Variants in LRRTM4 observed in about 807,000 individuals in gnomAD.
The protein encoded by LRRTM4 is leucine-rich repeat transmembrane neuronal protein 4.
In LRRTM4, 25 loss-of-function variants were observed where a neutral mutation model predicts 47.6. That is an observed-to-expected ratio of 0.53 (90% CI 0.38 to 0.73). The LOEUF (loss-of-function observed/expected upper bound fraction) is 0.73, where lower values mean the gene tolerates loss of function less well. Among genes scored for constraint, LRRTM4 ranks in the 30% least tolerant of loss-of-function variants. The pLI, the probability that LRRTM4 is intolerant of heterozygous loss-of-function variation, is 0.00. For synonymous variants in LRRTM4, 311 were observed against 269.5 expected (o/e 1.15, Z -1.51); for missense variants, 638 against 713.4 (o/e 0.89, Z 1.20).
At chr2:77,161,759 T>C (rs538457576) in intron 3 of LRRTM4, among the ~76,000 whole-genome samples, 16 of 152,310 alleles carry the variant, frequency 1.1e-4, no homozygotes, top group Middle Eastern at 3.4e-3. Flanking sequence ...ACTCTTAATT[T>C]TTTTTTCTGT....
At chr2:77,472,175 G>A (rs1314132220) in intron 3 of LRRTM4, among the ~76,000 whole-genome samples, 1 of 152,092 alleles carries the variant, frequency 6.6e-6, no homozygotes, top group Admixed American at 6.6e-5. Context: ...TAAGTGTAGT[G>A]CTGAAGTGTG....
chr2:77,039,064 TA>T (rs1287212102), intron 3 of LRRTM4, among the ~76,000 whole-genome samples: 1 of 151,208 alleles, frequency 6.6e-6, no homozygotes, highest in Non-Finnish European at 1.5e-5. Context: ...ATTTACAATA[TA>T]AAAATGAGTG....
At chr2:77,017,603 G>C (rs1282799286) in intron 3 of LRRTM4, among the ~76,000 whole-genome samples, 1 of 152,036 alleles carries the variant, frequency 6.6e-6, no homozygotes, top group Non-Finnish European at 1.5e-5. Context: ...TACTAGTAAG[G>C]ACAGTTTGAT....
At chr2:76,787,547 AGAAAG>A (rs1305443603) in intron 3 of LRRTM4, among the ~76,000 whole-genome samples, 1 of 152,094 alleles carries the variant, frequency 6.6e-6, no homozygotes, top group African/African-American at 2.4e-5. Context: ...AAAGGAAAAA[AGAAAG>A]GAAGTTTTAT....
chr2:77,427,864 A>G (rs1675184078), intron 3 of LRRTM4, among the ~76,000 whole-genome samples: 1 of 152,224 alleles, frequency 6.6e-6, no homozygotes, highest in Non-Finnish European at 1.5e-5. Context: ...GAGGAAGAGT[A>G]GCATAAATTT....
chr2:77,126,048 G>C (rs1671645873), intron 3 of LRRTM4, among the ~76,000 whole-genome samples: 2 of 151,572 alleles, frequency 1.3e-5, no homozygotes, highest in South Asian at 4.2e-4. Flanking sequence ...ATATAGGGTA[G>C]AAGTGAAATA....
intron 3 of LRRTM4, among the ~76,000 whole-genome samples, chr2:77,485,788 T>A (rs1399508572): frequency 6.6e-6 from 1 of 152,128 alleles, no homozygotes; most frequent in Non-Finnish European, 1.5e-5. Flanking sequence ...TGCAGTAGAG[T>A]GGCATGATCA....
At chr2:77,210,765 G>A (rs1270570698) in intron 3 of LRRTM4, among the ~76,000 whole-genome samples, 1 of 151,970 alleles carries the variant, frequency 6.6e-6, no homozygotes, top group Non-Finnish European at 1.5e-5. Flanking sequence ...TTCCACCTGA[G>A]GCCATTCAGC....
chr2:77,018,300 T>G lies in LRRTM4; in HGVS notation c.1552-269384A>C, dbSNP rs897544566. On this transcript the variant is annotated intron_variant, in intron 3 of 3. Coordinates refer to ENST00000409884, the MANE Select transcript of LRRTM4 (RefSeq NM_001134745.3). The stretch of plus-strand genomic sequence containing the variant: ...TTTGTCTTTGTTCTTTATCTGACTG[T>G]GAGCTGGTGAAAAGAGAACAGTCAG... Among the ~76,000 whole-genome samples, 4 of 145,832 alleles carry G rather than the reference T, an allele frequency of 2.7e-5. No homozygotes were observed. In the East Asian group the frequency reaches 8.7e-4, roughly 32 times the overall value.
chr2:77,394,129 T>G (rs1673609285), intron 3 of LRRTM4, among the ~76,000 whole-genome samples: 1 of 151,928 alleles, frequency 6.6e-6, no homozygotes, highest in Admixed American at 6.6e-5. Flanking sequence ...CTCAAAATTT[T>G]ACATCAAGAA....
chr2:76,895,614 C>T (rs916843383), intron 3 of LRRTM4, among the ~76,000 whole-genome samples: 3 of 152,000 alleles, frequency 2.0e-5, no homozygotes, highest in African/African-American at 7.2e-5. Flanking sequence ...AACTCTAGAT[C>T]TGTCCATGAT....
At chr2:77,483,700 AC>A (rs1446811903) in intron 3 of LRRTM4, among the ~76,000 whole-genome samples, 2 of 152,136 alleles carry the variant, frequency 1.3e-5, no homozygotes, top group Non-Finnish European at 2.9e-5. Flanking sequence ...TAGCTGAAAA[AC>A]AAAAATGCTT....
At chr2:77,122,909 C>T (rs1314343628) in intron 3 of LRRTM4, among the ~76,000 whole-genome samples, 6 of 151,718 alleles carry the variant, frequency 4.0e-5, no homozygotes, top group Admixed American at 6.6e-5. Flanking sequence ...CTGATTTCCT[C>T]AAGGCTTTTA....
chr2:77,495,311 G>C (rs907629754), intron 3 of LRRTM4, among the ~76,000 whole-genome samples: 5 of 151,956 alleles, frequency 3.3e-5, no homozygotes, highest in African/African-American at 1.2e-4. Context: ...TACTTGATCT[G>C]TCATTTTTAT....
At chr2:77,236,901 A>T (rs1036706548) in intron 3 of LRRTM4, among the ~76,000 whole-genome samples, 1 of 151,874 alleles carries the variant, frequency 6.6e-6, no homozygotes, top group African/African-American at 2.4e-5. Context: ...GCTTTTTGAT[A>T]TGCTGCTGAA....
At chr2:76,945,416 A>G (rs1573351447) in intron 3 of LRRTM4, among the ~76,000 whole-genome samples, 2 of 152,042 alleles carry the variant, frequency 1.3e-5, no homozygotes, top group East Asian at 3.9e-4. Flanking sequence ...AAATGGCCCT[A>G]TAAGGCATGG....
intron 3 of LRRTM4, among the ~76,000 whole-genome samples, chr2:77,476,039 T>C (rs953511066): frequency 2.0e-5 from 3 of 152,188 alleles, no homozygotes; most frequent in Middle Eastern, 3.4e-3. Context: ...AAAAATTAAT[T>C]AGTATATTTC....
intron 3 of LRRTM4, among the ~76,000 whole-genome samples, chr2:77,108,830 G>A (rs763006869): frequency 1.4e-4 from 21 of 152,024 alleles, no homozygotes; most frequent in African/African-American, 2.9e-4. Flanking sequence ...TGATCCGCCC[G>A]CCTCGGCCTC....
At chr2:76,831,274 C>G (rs943197058) in intron 3 of LRRTM4, among the ~76,000 whole-genome samples, 1 of 152,236 alleles carries the variant, frequency 6.6e-6, no homozygotes, top group Middle Eastern at 3.4e-3. Flanking sequence ...ATAGACTTTG[C>G]AACTACAGGA....
Sources: gnomAD v4.1 joint callset for allele counts (sites outside exome capture counted in the v4.1 genomes callset) on GRCh38, gnomAD v4.1.1 for gene constraint, MANE v1.5 for transcripts, NCBI Gene and HGNC (gene_info 2026-07-23, HGNC 2026-07-21) for gene names.